MCC: variants seen among roughly 807,000 people sequenced by gnomAD.
MCC encodes the protein MCC regulator of Wnt signaling pathway.
In MCC, 90 loss-of-function variants were observed where a neutral mutation model predicts 116.2. That is an observed-to-expected ratio of 0.77 (90% CI 0.65 to 0.92). The LOEUF (loss-of-function observed/expected upper bound fraction) is 0.92. Among genes scored for constraint, MCC ranks in the 40% least tolerant of loss-of-function variants. The pLI, the probability that MCC is intolerant of heterozygous loss-of-function variation, is 0.00. For missense variants in MCC, 1,516 were observed against 1,312.2 expected (o/e 1.16, Z -2.40); for synonymous variants, 578 against 510.5 (o/e 1.13, Z -1.78).
chr5:113,331,773 A>C (rs1039155133), intron 3 of MCC, among the ~76,000 whole-genome samples: 4 of 139,316 alleles, frequency 2.9e-5, no homozygotes, highest in Admixed American at 2.2e-4. Context: ...AGTAGCTTCG[A>C]GTACAGGCAC....
chr5:113,422,090 G>A (rs1008816572), intron 1 of MCC, among the ~76,000 whole-genome samples: 5 of 152,240 alleles, frequency 3.3e-5, no homozygotes, highest in Non-Finnish European at 7.3e-5. Flanking sequence ...AGTCAGTGCT[G>A]TGTTGGTGAA....
At chr5:113,042,410 G>C (rs1193516184) in intron 17 of MCC, among the ~76,000 whole-genome samples, 1 of 145,874 alleles carries the variant, frequency 6.9e-6, no homozygotes, top group Non-Finnish European at 1.5e-5. Flanking sequence ...AGGAGATTGA[G>C]GCTGCAGTGA....
intron 1 of MCC, chr5:113,432,968 A>G (rs558692497): frequency 6.6e-6 from 1 of 152,348 alleles, no homozygotes; most frequent in South Asian, 2.1e-4. Flanking sequence ...TCAAAACTGA[A>G]TAAACTTGAT....
chr5:113,442,537 CA>C (rs1286845312), intron 1 of MCC, among the ~76,000 whole-genome samples: 1 of 152,124 alleles, frequency 6.6e-6, no homozygotes. Flanking sequence ...CTTTTGTTGC[CA>C]TTGCTTTTCG....
intron 8 of MCC, among the ~76,000 whole-genome samples, chr5:113,089,038 G>A (rs1233919804): frequency 6.6e-6 from 1 of 152,182 alleles, no homozygotes; most frequent in African/African-American, 2.4e-5. Flanking sequence ...CTGAGGCAGG[G>A]ACTGACACTT....
chr5:113,024,935 C>T lies in MCC; in HGVS notation c.*2367G>A, dbSNP rs575957145. 1 of 152,226 alleles carries T rather than the reference C, an allele frequency of 6.6e-6. No individual in the cohort carries two copies. Among genetic ancestry groups the T allele is most frequent in the South Asian group, 2.1e-4 (1 of 4,820 alleles). The allele number at this position is 152,226 out of a possible 1,614,324, so 9.4% of individuals were successfully genotyped here. On this transcript the variant is annotated 3_prime_UTR_variant, in exon 19 of 19. Transcript: ENST00000408903. ...TGCAAAATAGTTTTTACCCAAATCA[C>T]ATTTGAAAGTACTAAAACTAAGGTC...
intron 1 of MCC, among the ~76,000 whole-genome samples, chr5:113,459,341 T>C (rs1771680418): frequency 2.0e-5 from 3 of 151,652 alleles, no homozygotes; most frequent in Admixed American, 6.6e-5. Context: ...ATCGAGACCA[T>C]CTTGGCTAAC....
intron 1 of MCC, among the ~76,000 whole-genome samples, chr5:113,471,192 G>C (rs539934903): frequency 6.6e-6 from 1 of 152,288 alleles, no homozygotes; most frequent in South Asian, 2.1e-4. Flanking sequence ...GTCATTCTCT[G>C]TCCAGCTTTG....
Position 113,434,423 on chromosome 5 carries a change from A to G in MCC, c.171-49211T>C. 3 of 1,613,566 alleles carry G rather than the reference A, an allele frequency of 1.9e-6. No homozygotes were observed. In the East Asian group the frequency reaches 6.7e-5, roughly 36 times the overall value. ...AGTCCTTGTCAAGGAGAAGGTTGTC[A>G]CACTTGAGGTCCCGGTGGACGACGT... On this transcript the variant is annotated intron_variant, in intron 1 of 18. Transcript: ENST00000408903. This position sits in a 1 kb window ranked among gnomAD's most constrained non-coding sequence, Gnocchi z 4.2.
intron 3 of MCC, chr5:113,204,699 C>T (rs899101298): frequency 1.3e-5 from 2 of 152,162 alleles, no homozygotes; most frequent in African/African-American, 2.4e-5. Flanking sequence ...ATTGTGCAAG[C>T]GAAGAGCCAT....
intron 3 of MCC, among the ~76,000 whole-genome samples, chr5:113,246,080 G>C (rs142566800): frequency 2.6e-4 from 39 of 152,328 alleles, no homozygotes; most frequent in Non-Finnish European, 1.2e-4. Context: ...GTAGAAAAGA[G>C]AGACATTTAG....
At chr5:113,350,341 T>C (rs75411876) in intron 2 of MCC, among the ~76,000 whole-genome samples, 5,532 of 151,984 alleles carry the variant, frequency 0.036, 336 homozygotes, top group African/African-American at 0.13. Flanking sequence ...GACATAAAAA[T>C]AGACATATAG....
At chr5:113,391,650 T>C (rs1237710356) in intron 1 of MCC, among the ~76,000 whole-genome samples, 1 of 152,006 alleles carries the variant, frequency 6.6e-6, no homozygotes, top group Non-Finnish European at 1.5e-5. Context: ...TCCAGGAGTT[T>C]GGAGGCTGCA....
chr5:113,124,172 A>G (rs1757900445), intron 5 of MCC, among the ~76,000 whole-genome samples: 1 of 152,244 alleles, frequency 6.6e-6, no homozygotes, highest in Non-Finnish European at 1.5e-5. Flanking sequence ...AATATGAATT[A>G]GAGAGTGGTG....
intron 3 of MCC, among the ~76,000 whole-genome samples, chr5:113,218,918 C>G (rs1049865347): frequency 2.0e-5 from 3 of 152,128 alleles, no homozygotes; most frequent in African/African-American, 7.2e-5. Context: ...AGAAGAATAT[C>G]CACAGAAATT....
At chr5:113,438,193 T>G (rs1770916923) in intron 1 of MCC, among the ~76,000 whole-genome samples, 1 of 152,164 alleles carries the variant, frequency 6.6e-6, no homozygotes, top group African/African-American at 2.4e-5. Context: ...TCCTTATTTT[T>G]GGGTTGTGGG....
chr5:113,470,045 T>C (rs1772037212), intron 1 of MCC, among the ~76,000 whole-genome samples: 2 of 152,314 alleles, frequency 1.3e-5, no homozygotes, highest in South Asian at 4.1e-4. Context: ...TAGATCTTCC[T>C]CCATCCCTTT....
chr5:113,202,054 C>G (rs1762705100), intron 3 of MCC, among the ~76,000 whole-genome samples: 1 of 152,164 alleles, frequency 6.6e-6, no homozygotes, highest in Non-Finnish European at 1.5e-5. Context: ...TCCTTTACCA[C>G]ACAGGCTTTC....
At chr5:113,329,290 T>G (rs925214997) in intron 3 of MCC, among the ~76,000 whole-genome samples, 1 of 152,056 alleles carries the variant, frequency 6.6e-6, no homozygotes, top group African/African-American at 2.4e-5. Context: ...GTGTTCTTCC[T>G]CCCACCCAGG....
Sources: gnomAD v4.1 joint callset for allele counts (sites outside exome capture counted in the v4.1 genomes callset) on GRCh38, gnomAD v4.1.1 for gene constraint, Gnocchi (gnomAD v3.1) non-coding constraint, MANE v1.5 for transcripts, NCBI Gene and HGNC (gene_info 2026-07-23, HGNC 2026-07-21) for gene names.